The following NMNAT2 variants were observed in gnomAD, a reference collection of about 807,000 sequenced individuals.
NMNAT2 encodes nicotinamide nucleotide adenylyltransferase 2.
A neutral mutation model predicts 41.6 loss-of-function variants in NMNAT2; 11 were observed. The observed-to-expected ratio is 0.26, with a 90% confidence interval of 0.17 to 0.44. The LOEUF (loss-of-function observed/expected upper bound fraction) is 0.44, where lower values mean the gene tolerates loss of function less well. NMNAT2 is among the 20% of genes least tolerant of loss of function. The pLI is 1.00. For missense variants in NMNAT2, 288 were observed against 407.7 expected (o/e 0.71, Z 2.53); for synonymous variants, 148 against 151.2 (o/e 0.98, Z 0.16).
chr1:183,259,233 G>T (rs953276075), intron 10 of NMNAT2, among the ~76,000 whole-genome samples: 4 of 152,196 alleles, frequency 2.6e-5, no homozygotes, highest in Non-Finnish European at 5.9e-5. Context: ...GTGTAACTCT[G>T]CATGGCGACT....
intron 1 of NMNAT2, among the ~76,000 whole-genome samples, chr1:183,320,987 C>T (rs1303686576): frequency 6.6e-6 from 1 of 152,144 alleles, no homozygotes; most frequent in Admixed American, 6.5e-5. Flanking sequence ...CTTTCTGTGT[C>T]TTTTTAAAGT....
chr1:183,296,125 C>T (rs1661689314), intron 1 of NMNAT2, among the ~76,000 whole-genome samples: 1 of 152,218 alleles, frequency 6.6e-6, no homozygotes, highest in Admixed American at 6.5e-5. Flanking sequence ...GCTGGGATTA[C>T]AGGCGTGAGC....
intron 10 of NMNAT2, among the ~76,000 whole-genome samples, chr1:183,258,725 C>T (rs1660582165): frequency 6.6e-6 from 1 of 152,080 alleles, no homozygotes; most frequent in Non-Finnish European, 1.5e-5. Flanking sequence ...TTTGTAGACC[C>T]TGCACTTGAT....
chr1:183,389,787 A>G (rs1421739750), intron 1 of NMNAT2, among the ~76,000 whole-genome samples: 3 of 73,028 alleles, frequency 4.1e-5, no homozygotes, highest in Non-Finnish European at 8.8e-5. Context: ...AAAGAAAGAA[A>G]GAAAGAAAGA....
intron 1 of NMNAT2, among the ~76,000 whole-genome samples, chr1:183,349,867 C>G (rs2102351138): frequency 6.6e-6 from 1 of 152,270 alleles, no homozygotes; most frequent in East Asian, 1.9e-4. Flanking sequence ...GGAAGCCCAC[C>G]CCTCTGAGAA....
At chr1:183,413,610 T>C (rs1649176130) in intron 1 of NMNAT2, among the ~76,000 whole-genome samples, 1 of 140,026 alleles carries the variant, frequency 7.1e-6, no homozygotes, top group Admixed American at 7.1e-5. Context: ...TTCTTTTTTT[T>C]TTTTTTTTTT....
intron 1 of NMNAT2, among the ~76,000 whole-genome samples, chr1:183,308,089 C>T (rs1662037295): frequency 6.6e-6 from 1 of 152,182 alleles, no homozygotes; most frequent in African/African-American, 2.4e-5. Context: ...GAGGAAGTTT[C>T]TGCTGCGATG....
At chr1:183,319,569 G>A (rs995264036) in intron 1 of NMNAT2, among the ~76,000 whole-genome samples, 1 of 152,328 alleles carries the variant, frequency 6.6e-6, no homozygotes, top group Non-Finnish European at 1.5e-5. Context: ...CCTGCCTTCA[G>A]CTTCCACTTG....
chr1:183,362,361 T>C lies in NMNAT2; in HGVS notation c.85+55822A>G, dbSNP rs145664720. 2.0e-3 allele frequency among the ~76,000 whole-genome samples: 308 copies of C among 152,342 alleles called. 1 individual carries two copies. The highest frequency in any genetic ancestry group is 7.2e-3 in the African/African-American group (298 of 41,584). On this transcript the variant is annotated intron_variant, in intron 1 of 10. Coordinates refer to ENST00000287713, the MANE Select transcript of NMNAT2 (RefSeq NM_015039.4). ...TGCAACCATCACCACTATCGAATTC[T>C]ACAACATTTTCATCACCCAAAAAAA...
intron 1 of NMNAT2, among the ~76,000 whole-genome samples, chr1:183,361,513 A>G (rs1252322609): frequency 1.3e-5 from 2 of 152,214 alleles, no homozygotes; most frequent in Non-Finnish European, 2.9e-5. Flanking sequence ...TTATAACACA[A>G]CTAGCAAAAT....
At chr1:183,362,824 T>G (rs1049116880) in intron 1 of NMNAT2, among the ~76,000 whole-genome samples, 1 of 152,218 alleles carries the variant, frequency 6.6e-6, no homozygotes, top group Non-Finnish European at 1.5e-5. Flanking sequence ...ATGTTTAACT[T>G]TTTGAGAAAC....
chr1:183,285,479 G>A (rs1661378142), intron 5 of NMNAT2, among the ~76,000 whole-genome samples: 1 of 152,088 alleles, frequency 6.6e-6, no homozygotes, highest in Admixed American at 6.6e-5. Flanking sequence ...TATCCCTCTG[G>A]GCTCCAATCC....
At chr1:183,344,742 T>C (rs1275086043) in intron 1 of NMNAT2, among the ~76,000 whole-genome samples, 2 of 152,200 alleles carry the variant, frequency 1.3e-5, no homozygotes, top group African/African-American at 4.8e-5. Context: ...ACAGAATATT[T>C]AGAGGCCCCA....
intron 1 of NMNAT2, among the ~76,000 whole-genome samples, chr1:183,319,437 G>A (rs1374555271): frequency 6.6e-6 from 1 of 152,174 alleles, no homozygotes; most frequent in Non-Finnish European, 1.5e-5. Context: ...GAAAACCCAA[G>A]AACTGCCCCA....
chr1:183,373,701 T>C (rs944273659), intron 1 of NMNAT2, among the ~76,000 whole-genome samples: 2 of 151,024 alleles, frequency 1.3e-5, no homozygotes, highest in African/African-American at 4.9e-5. Context: ...CACTGCAACC[T>C]CCGCCTCCTG....
At chr1:183,411,982 A>G (rs1182911674) in intron 1 of NMNAT2, among the ~76,000 whole-genome samples, 1 of 152,170 alleles carries the variant, frequency 6.6e-6, no homozygotes, top group African/African-American at 2.4e-5. Context: ...CAAAGGGAAC[A>G]TTCAGCACAA....
At chr1:183,370,437 T>TAAATG (rs1409674874) in intron 1 of NMNAT2, among the ~76,000 whole-genome samples, 1 of 152,134 alleles carries the variant, frequency 6.6e-6, no homozygotes, top group Non-Finnish European at 1.5e-5. Context: ...GAATAAGGGT[T>TAAATG]AAATGAAATG....
chr1:183,313,688 G>A (rs951017215), intron 1 of NMNAT2, among the ~76,000 whole-genome samples: 1 of 152,202 alleles, frequency 6.6e-6, no homozygotes, highest in African/African-American at 2.4e-5. Context: ...GTTTCACCAT[G>A]TTGGCCAGGC....
chr1:183,284,301 A>AAC (rs1254618974), intron 6 of NMNAT2, among the ~76,000 whole-genome samples: 1 of 152,212 alleles, frequency 6.6e-6, no homozygotes, highest in Non-Finnish European at 1.5e-5. Flanking sequence ...GCCAATGCCG[A>AAC]ACACACACAC....
Sources: allele counts gnomAD v4.1 joint callset (sites outside exome capture counted in the v4.1 genomes callset), GRCh38; gene constraint gnomAD v4.1.1; transcripts MANE v1.5; gene names NCBI Gene and HGNC (gene_info 2026-07-23, HGNC 2026-07-21).